DUSP10: variants seen among roughly 807,000 people sequenced by gnomAD.
The protein encoded by DUSP10 is dual specificity protein phosphatase 10.
A neutral mutation model predicts 30.8 loss-of-function variants in DUSP10; 14 were observed. The observed-to-expected ratio is 0.46, with a 90% CI of 0.30 to 0.71. The LOEUF (loss-of-function observed/expected upper bound fraction) is 0.71, where lower values mean the gene tolerates loss of function less well. Among genes scored for constraint, DUSP10 ranks in the 30% least tolerant of loss-of-function variants. The probability of loss-of-function intolerance (pLI) is 0.08; values close to 1 mark genes in which losing one functional copy is unlikely to be tolerated. For synonymous variants in DUSP10, 254 were observed against 250.4 expected (o/e 1.01, Z -0.14); for missense variants, 550 against 619.4 (o/e 0.89, Z 1.19).
At chr1:221,713,013 G>A (rs1278440119) in intron 2 of DUSP10, among the ~76,000 whole-genome samples, 1 of 152,230 alleles carries the variant, frequency 6.6e-6, no homozygotes, top group African/African-American at 2.4e-5. Context: ...TTGAATGACT[G>A]TCAAATGGAG....
intron 2 of DUSP10, among the ~76,000 whole-genome samples, chr1:221,708,501 A>G (rs1660833200): frequency 6.6e-6 from 1 of 152,246 alleles, no homozygotes; most frequent in Non-Finnish European, 1.5e-5. Context: ...ATTGAAAGTA[A>G]GAAGTCAAAA....
Position 221,734,773 on chromosome 1 carries a change from A to C in DUSP10, c.811+4161T>G, listed in dbSNP as rs117071000. On this transcript the variant is annotated intron_variant, in intron 2 of 3. Coordinates refer to ENST00000366899, the MANE Select transcript of DUSP10 (RefSeq NM_007207.6). ...ATTTGCTACAAGGCTAATGTTTGAC[A>C]TTTTAGCCTTGGATGTTAACCAGAG... Among the ~76,000 whole-genome samples the C allele has an allele frequency of 3.4e-3, 522 of 152,314 alleles. 7 individuals are homozygous for C. In the East Asian group the frequency reaches 0.061, roughly 18 times the overall value.
chr1:221,729,842 A>G (rs763743633), intron 2 of DUSP10, among the ~76,000 whole-genome samples: 2 of 152,274 alleles, frequency 1.3e-5, no homozygotes, highest in Non-Finnish European at 2.9e-5. Flanking sequence ...TAATAAAAAT[A>G]GAAATTAAAA....
rs750298119 is a variant in DUSP10 at position 221,702,625 on chromosome 1, C to T, written c.1236G>A (p.Val412=). The stretch of plus-strand genomic sequence containing the variant: ...CGATGACGATGGTGGCGGAGCGGGA[C>T]ACCCCAGCCTGGCAGTGGATGAGAA... ...KGLLIHCQAG[V]SRSATIVIAY... is the part of the protein sequence containing the mutation. The change falls in exon 4 of 4, where the codon GTG becomes GTA. Residue 412 remains valine, a synonymous_variant. Transcript: ENST00000366899. The surrounding 1 kb of genome is among the most constrained non-coding windows in gnomAD (Gnocchi z 4.5). The T allele has an allele frequency of 6.2e-7, 1 of 1,614,112 alleles. No individual in the cohort carries two copies. Among genetic ancestry groups the T allele is most frequent in the South Asian group, 1.1e-5 (1 of 91,070 alleles).
chr1:221,737,289 A>G, intron 2 of DUSP10: 3 of 985,426 alleles, frequency 3.0e-6, no homozygotes, highest in Non-Finnish European at 3.6e-6. Flanking sequence ...AGAAAAGAGG[A>G]GATCATCATG....
In DUSP10 at chr1:221,739,884, G is replaced by A. The variant is rs1179862012; in HGVS notation, c.-43-97C>T. The A allele has an allele frequency of 2.3e-6, 3 of 1,305,890 alleles. No individual in the cohort carries two copies. The African/African-American group carries it at 4.5e-5, about 19-fold the overall frequency. The allele number at this position is 1,305,890 out of a possible 1,614,324, so 80.9% of individuals were successfully genotyped here. On this transcript the variant is annotated intron_variant, in intron 1 of 3. Coordinates refer to ENST00000366899, the MANE Select transcript of DUSP10 (RefSeq NM_007207.6). The stretch of plus-strand genomic sequence containing the variant: ...GGGAAAGACCTTTGCATCCCTCTGA[G>A]CAAAGTCGTCCTAATTGCCCTTTAT...
At chr1:221,733,367 T>C (rs1661673089) in intron 2 of DUSP10, among the ~76,000 whole-genome samples, 1 of 152,242 alleles carries the variant, frequency 6.6e-6, no homozygotes, top group South Asian at 2.1e-4. Context: ...ACCTATTCAG[T>C]TTCCTTCCCC....
chr1:221,713,672 T>C (rs544125524), intron 2 of DUSP10, among the ~76,000 whole-genome samples: 1 of 152,344 alleles, frequency 6.6e-6, no homozygotes, highest in Non-Finnish European at 1.5e-5. Context: ...TATTAATACA[T>C]ATTCTTTTAA....
chr1:221,731,555 A>G (rs1419933801), intron 2 of DUSP10, among the ~76,000 whole-genome samples: 4 of 151,710 alleles, frequency 2.6e-5, no homozygotes, highest in Non-Finnish European at 4.4e-5. Flanking sequence ...CATTGGAAAG[A>G]AATCCTATTG....
intron 2 of DUSP10, among the ~76,000 whole-genome samples, chr1:221,712,984 ATTCAAACCCTGCAGCTAT>A (rs1050858871): frequency 2.0e-5 from 3 of 152,212 alleles, no homozygotes; most frequent in African/African-American, 7.2e-5. Context: ...TTAAGAAGGC[ATTCAAACCCTGCAGCTAT>A]TTGAATGACT....
At chr1:221,720,371 C>T (rs1661247022) in intron 2 of DUSP10, among the ~76,000 whole-genome samples, 1 of 152,234 alleles carries the variant, frequency 6.6e-6, no homozygotes, top group South Asian at 2.1e-4. Context: ...TTAATCATGC[C>T]TATGTAATGA....
chr1:221,728,567 T>C (rs939541653), intron 2 of DUSP10, among the ~76,000 whole-genome samples: 45 of 152,230 alleles, frequency 3.0e-4, no homozygotes, highest in Admixed American at 2.9e-3. Flanking sequence ...AGTAAATGGT[T>C]TGATAGGATC....
intron 1 of DUSP10, 23 bp from the exon 2 acceptor site, chr1:221,739,810 A>T (rs1264204598): frequency 6.7e-7 from 1 of 1,501,960 alleles, no homozygotes; most frequent in East Asian, 2.3e-5. Context: ...GGAAGGGGGA[A>T]AGAAAGAATA....
At chr1:221,731,701 C>T (rs901570647) in intron 2 of DUSP10, among the ~76,000 whole-genome samples, 5 of 150,504 alleles carry the variant, frequency 3.3e-5, no homozygotes, top group African/African-American at 1.2e-4. Flanking sequence ...CTCCACCTCC[C>T]GGGTTCAAGC....
chr1:221,712,588 C>A (rs1287491214), intron 2 of DUSP10, among the ~76,000 whole-genome samples: 1 of 151,938 alleles, frequency 6.6e-6, no homozygotes, highest in Non-Finnish European at 1.5e-5. Context: ...ATAATGGGAT[C>A]TTGAATCCCA....
rs146731708 is a variant in DUSP10, at chr1:221,730,359, C to G, written c.811+8575G>C. ...CAAAGGGAGGACAGGCCTGATGCGA[C>G]CCCCTGGCTCGGGCAGTTTAATCTG... On this transcript the variant is annotated intron_variant, in intron 2 of 3. Transcript: ENST00000366899. Among the ~76,000 whole-genome samples the G allele has an allele frequency of 1.4e-4, 21 of 152,316 alleles. No homozygotes were observed. The Middle Eastern group carries it at 0.014, about 99-fold the overall frequency.
chr1:221,727,564 A>G (rs1462201087), intron 2 of DUSP10, among the ~76,000 whole-genome samples: 2 of 152,162 alleles, frequency 1.3e-5, no homozygotes, highest in Admixed American at 1.3e-4. Context: ...TTCTAATTCA[A>G]CATAGAGTAA....
intron 2 of DUSP10, among the ~76,000 whole-genome samples, chr1:221,738,486 T>C (rs1661843787): frequency 6.6e-6 from 1 of 152,228 alleles, no homozygotes; most frequent in Admixed American, 6.5e-5. Context: ...CAGTAAGAAC[T>C]GGTACCTGTA....
At chr1:221,731,391 A>G (rs1463430556) in intron 2 of DUSP10, among the ~76,000 whole-genome samples, 1 of 151,674 alleles carries the variant, frequency 6.6e-6, no homozygotes, top group Non-Finnish European at 1.5e-5. Flanking sequence ...CCTTATTCCT[A>G]TCATCAACAT....
Sources: allele counts gnomAD v4.1 joint callset (sites outside exome capture counted in the v4.1 genomes callset), GRCh38; gene constraint gnomAD v4.1.1; non-coding constraint Gnocchi (gnomAD v3.1); transcripts MANE v1.5; gene names NCBI Gene and HGNC (gene_info 2026-07-23, HGNC 2026-07-21).